PLCE1: variants seen among roughly 807,000 people sequenced by gnomAD.
PLCE1 encodes the protein phospholipase C epsilon 1, also known as 1-phosphatidylinositol 4,5-bisphosphate phosphodiesterase epsilon-1.
PLCE1 carries 119 observed loss-of-function variants against 242.8 expected under a neutral mutation model. The ratio of observed to expected loss-of-function variants is 0.49; its 90% CI spans 0.42 to 0.57. PLCE1 has a LOEUF of 0.57. Among genes scored for constraint, PLCE1 ranks in the 20% least tolerant of loss-of-function variants. The pLI is 0.00. For missense variants in PLCE1, 2,441 were observed against 2,788.8 expected (o/e 0.88, Z 2.81); for synonymous variants, 945 against 1,017.4 (o/e 0.93, Z 1.35).
Position 94,157,520 on chromosome 10 carries a change from T to C in PLCE1, c.1493-13660T>C, listed in dbSNP as rs141029089. ...TCTGGGGGAGCTGCCCCCAGGAGCTTACAGCACCTGAGATCCTAACCACAC... is the reference window on the plus strand; with the variant it reads ...TCTGGGGGAGCTGCCCCCAGGAGCTCACAGCACCTGAGATCCTAACCACAC... On this transcript the variant is annotated intron_variant, in intron 3 of 32. Coordinates refer to ENST00000371380, the MANE Select transcript of PLCE1 (RefSeq NM_016341.4). 7.3e-3 allele frequency among the ~76,000 whole-genome samples: 1,104 copies of C among 152,230 alleles called. 16 individuals are homozygous for C. The highest frequency in any genetic ancestry group is 0.025 in the African/African-American group (1,044 of 41,548).
intron 4 of PLCE1, among the ~76,000 whole-genome samples, chr10:94,224,123 G>A (rs112537791): frequency 0.053 from 8,017 of 151,774 alleles, 603 homozygotes; most frequent in African/African-American, 0.17. Flanking sequence ...TGTGTGTGTG[G>A]TGTGTCTGTG....
At chr10:94,012,499 A>G (rs2061189131) in intron 1 of PLCE1, among the ~76,000 whole-genome samples, 1 of 151,984 alleles carries the variant, frequency 6.6e-6, no homozygotes, top group Non-Finnish European at 1.5e-5. Context: ...TCCCAGCCTC[A>G]CATGCTGGAA....
chr10:94,073,969 G>T (rs530998352), intron 2 of PLCE1, among the ~76,000 whole-genome samples: 1 of 152,268 alleles, frequency 6.6e-6, no homozygotes, highest in African/African-American at 2.4e-5. Flanking sequence ...TCACTGTCTG[G>T]TTGTGGTGAT....
intron 5 of PLCE1, among the ~76,000 whole-genome samples, chr10:94,229,867 T>C (rs973101732): frequency 6.6e-6 from 1 of 152,196 alleles, no homozygotes; most frequent in Non-Finnish European, 1.5e-5. Flanking sequence ...TACAGATAGA[T>C]AGGCGAAAGT....
At chr10:93,997,632 C>CTTTTTTTTTT (rs34338995) in intron 1 of PLCE1, among the ~76,000 whole-genome samples, 2 of 79,870 alleles carry the variant, frequency 2.5e-5, no homozygotes, top group Admixed American at 1.5e-4. Context: ...AATAACCATC[C>CTTTTTTTTTT]TTTTTTTTTT....
chr10:94,027,819 C>CT (rs1467026437), intron 1 of PLCE1, among the ~76,000 whole-genome samples: 1,661 of 115,956 alleles, frequency 0.014, 34 homozygotes, highest in African/African-American at 0.069. Context: ...GACTCCATCT[C>CT]AAAATAAATA....
chr10:94,039,329 T>C (rs1380857971), intron 2 of PLCE1, among the ~76,000 whole-genome samples: 1 of 152,136 alleles, frequency 6.6e-6, no homozygotes, highest in Non-Finnish European at 1.5e-5. Context: ...CCAAAGCAGC[T>C]GCACATTTTA....
chr10:94,313,618 G>T (rs914360349), intron 28 of PLCE1, among the ~76,000 whole-genome samples: 20 of 152,284 alleles, frequency 1.3e-4, no homozygotes, highest in African/African-American at 4.6e-4. Flanking sequence ...CTGTAGAGAA[G>T]ATTTTTAATG....
Position 94,234,257 on chromosome 10 carries a change from C to A in PLCE1, c.2159C>A (p.Ala720Asp). Residue 720 changes from alanine to aspartate, a missense_variant, in exon 6 of 33, where the codon GCC becomes GAC. This residue lies in a region of PLCE1 where 733 missense variants were observed against 754.2 expected (regional missense o/e 0.97). Coordinates refer to ENST00000371380, the MANE Select transcript of PLCE1 (RefSeq NM_016341.4). The part of the protein sequence containing the change: ...LKELCEVLDG[A>D]SGLMKLCPRY... ...GAGCTCTGTGAAGTGCTTGACGGCG[C>A]CTCCGGTCTCATGAAGCTTTGCCCG... 6.2e-7 allele frequency: 1 copy of A among 1,614,110 alleles called. No homozygotes were observed. Among genetic ancestry groups the A allele is most frequent in the Non-Finnish European group, 8.5e-7 (1 of 1,180,004 alleles).
In PLCE1 at chr10:94,306,355, C is replaced by CAGTG; in HGVS notation, c.5623-69_5623-66dup. On this transcript the variant is annotated intron_variant, in intron 25 of 32. Coordinates refer to ENST00000371380, the MANE Select transcript of PLCE1 (RefSeq NM_016341.4). This position sits in a 1 kb window ranked among gnomAD's most constrained non-coding sequence, Gnocchi z 5.7. ...CTTGGGATTCCTTTGCAGAGGGAAG[C>CAGTG]AGTGAGGTGCAGAGGTTGTCTTTCT... 3.1e-6 allele frequency: 5 copies of CAGTG among 1,612,400 alleles called. No homozygotes were observed. In the South Asian group the frequency reaches 5.5e-5, roughly 18 times the overall value.
intron 22 of PLCE1, 83 bp downstream of exon 22, chr10:94,285,048 C>A (rs149384524): frequency 1.2e-6 from 1 of 800,496 alleles, no homozygotes; most frequent in African/African-American, 1.7e-5. Flanking sequence ...GCATTGTGAA[C>A]ACTCTCAAAA....
chr10:94,190,902 C>T (rs1178115809), intron 4 of PLCE1, among the ~76,000 whole-genome samples: 1 of 152,146 alleles, frequency 6.6e-6, no homozygotes, highest in Admixed American at 6.5e-5. Context: ...GATGAGCGAG[C>T]CATGAGAATC....
intron 2 of PLCE1, among the ~76,000 whole-genome samples, chr10:94,093,533 ACAGT>A (rs1310066614): frequency 6.6e-6 from 1 of 152,134 alleles, no homozygotes; most frequent in Non-Finnish European, 1.5e-5. Flanking sequence ...TCAGAAACAG[ACAGT>A]CAGTGTCCAT....
intron 3 of PLCE1, among the ~76,000 whole-genome samples, chr10:94,143,293 C>A (rs887696856): frequency 2.6e-5 from 4 of 152,140 alleles, no homozygotes; most frequent in African/African-American, 9.7e-5. Context: ...GTATTGGGAG[C>A]CTTGTCTAAA....
intron 2 of PLCE1, among the ~76,000 whole-genome samples, chr10:94,064,456 C>T (rs897214242): frequency 7.9e-5 from 12 of 152,122 alleles, no homozygotes; most frequent in African/African-American, 2.7e-4. Context: ...GTGGGAGAAT[C>T]ACTTGATCAC....
At position 94,081,806 on chromosome 10, in the gene PLCE1, A is replaced by G. The variant is rs145512192; in HGVS notation, c.1206+49554A>G. On this transcript the variant is annotated intron_variant, in intron 2 of 32. Coordinates refer to ENST00000371380, the MANE Select transcript of PLCE1 (RefSeq NM_016341.4). The stretch of plus-strand genomic sequence containing the variant: ...TTAACAGAGTCTGGGGTCAAACCCC[A>G]GTCCCAGTAACTTCAGAGTCCAACT... 1.3e-3 allele frequency: 205 copies of G among 152,330 alleles called. 1 individual carries two copies. The highest frequency in any genetic ancestry group is 4.2e-3 in the African/African-American group (173 of 41,580). 9.4% of individuals were successfully genotyped at this position (152,330 alleles called of 1,614,324 possible).
intron 2 of PLCE1, among the ~76,000 whole-genome samples, chr10:94,078,947 G>A (rs796942491): frequency 4.6e-5 from 7 of 152,314 alleles, no homozygotes; most frequent in African/African-American, 1.7e-4. Flanking sequence ...AGTTGAGGAT[G>A]TGTGCAAAGT....
intron 32 of PLCE1, among the ~76,000 whole-genome samples, chr10:94,326,147 A>C (rs534491694): frequency 6.6e-6 from 1 of 152,206 alleles, no homozygotes; most frequent in Non-Finnish European, 1.5e-5. Context: ...GTTCCATGGT[A>C]GTTCACAGAT....
intron 7 of PLCE1, among the ~76,000 whole-genome samples, chr10:94,239,022 A>G (rs569905788): frequency 6.6e-6 from 1 of 152,156 alleles, no homozygotes; most frequent in Non-Finnish European, 1.5e-5. Flanking sequence ...ACTAAGCCTC[A>G]GTTTTGTCAT....
Sources: gnomAD v4.1 joint callset for allele counts (sites outside exome capture counted in the v4.1 genomes callset) on GRCh38, gnomAD v4.1.1 for gene constraint, gnomAD v4.1.1 regional missense constraint, Gnocchi (gnomAD v3.1) non-coding constraint, MANE v1.5 for transcripts, NCBI Gene and HGNC (gene_info 2026-07-23, HGNC 2026-07-21) for gene names.